The following TMEM132C variants were observed in gnomAD, a reference collection of about 807,000 sequenced individuals.
The protein encoded by TMEM132C is protein phosphatase 1, regulatory subunit 152.
TMEM132C carries 29 observed loss-of-function variants against 61.4 expected under a neutral mutation model. That is an observed-to-expected ratio of 0.47 (90% CI 0.35 to 0.64). The LOEUF is 0.64. TMEM132C is among the 30% of genes least tolerant of loss of function. The probability of loss-of-function intolerance (pLI) is 0.00; values close to 1 mark genes in which losing one functional copy is unlikely to be tolerated. For synonymous variants in TMEM132C, 656 were observed against 633.1 expected, an observed-to-expected ratio of 1.04 and a Z score of -0.54; for missense variants, 1,408 against 1,476.9, an observed-to-expected ratio of 0.95 and a Z score of 0.76.
chr12:128,390,362 C>T (rs1874723632), intron 1 of TMEM132C, among the ~76,000 whole-genome samples: 1 of 152,180 alleles, frequency 6.6e-6, no homozygotes, highest in African/African-American at 2.4e-5. Flanking sequence ...CTGCTTTTTC[C>T]AGCTTCTAGA....
In TMEM132C at chr12:128,285,265, G is replaced by A. The variant is rs548209464; in HGVS notation, c.85+17778G>A. Among the ~76,000 whole-genome samples, 355 of 152,208 alleles carry A rather than the reference G, an allele frequency of 2.3e-3. 2 individuals are homozygous for A. Among genetic ancestry groups the A allele is most frequent in the Non-Finnish European group, 7.9e-4 (54 of 68,016 alleles). On this transcript the variant is annotated intron_variant, in intron 1 of 8. Coordinates refer to ENST00000435159, the MANE Select transcript of TMEM132C (RefSeq NM_001136103.3). Reference sequence around the variant, plus strand: ...GTTTTCAACAAAAATGGTATTTGAGGTGATTGATATGCAATTACTCTGATT... The same window carrying A: ...GTTTTCAACAAAAATGGTATTTGAGATGATTGATATGCAATTACTCTGATT...
At chr12:128,342,376 G>A (rs1190517998) in intron 1 of TMEM132C, among the ~76,000 whole-genome samples, 1 of 152,206 alleles carries the variant, frequency 6.6e-6, no homozygotes, top group Non-Finnish European at 1.5e-5. Flanking sequence ...TTTTGTGCTA[G>A]ATGCATTTTG....
At chr12:128,322,621 C>A (rs1872371704) in intron 1 of TMEM132C, among the ~76,000 whole-genome samples, 1 of 152,202 alleles carries the variant, frequency 6.6e-6, no homozygotes, top group African/African-American at 2.4e-5. Context: ...CCTAAGAGCT[C>A]ACTTCAGAGA....
chr12:128,420,128 G>A (rs1414594868), intron 2 of TMEM132C, among the ~76,000 whole-genome samples: 3 of 152,144 alleles, frequency 2.0e-5, no homozygotes, highest in Admixed American at 1.3e-4. Context: ...CCTGGGAGGT[G>A]GAGGTTGCAG....
intron 3 of TMEM132C, among the ~76,000 whole-genome samples, chr12:128,562,738 C>A (rs143516023): frequency 6.6e-6 from 1 of 152,214 alleles, no homozygotes; most frequent in African/African-American, 2.4e-5. Context: ...CCCCTGTAAC[C>A]ATGGTGGGTG....
At chr12:128,400,599 G>T (rs202063186) in intron 1 of TMEM132C, among the ~76,000 whole-genome samples, 1 of 140,784 alleles carries the variant, frequency 7.1e-6, no homozygotes, top group African/African-American at 2.6e-5. Flanking sequence ...CCATTCTTTT[G>T]TTTTTTTTTT....
rs1355252914 is a variant in TMEM132C at position 128,705,264 on chromosome 12, G to A, written c.2296G>A (p.Gly766Ser). 6.4e-7 allele frequency: 1 copy of A among 1,551,658 alleles called. No individual in the cohort carries two copies. The highest frequency in any genetic ancestry group is 2.0e-5 in the Admixed American group (1 of 51,014). The change falls in exon 9 of 9, where the codon GGC becomes AGC. Residue 766 changes from glycine (G) to serine (S), a missense_variant. Transcript: ENST00000435159. ...TGTGGTGGCCGAAGGGGAAGGCCAGGGCCCACTGATCCGAGTGGACATGAC... is the reference window on the plus strand; with the variant it reads ...TGTGGTGGCCGAAGGGGAAGGCCAGAGCCCACTGATCCGAGTGGACATGAC... The part of the protein sequence containing the change: ...PVVVAEGEGQ[G>S]PLIRVDMTIA...
intron 5 of TMEM132C, among the ~76,000 whole-genome samples, chr12:128,688,766 AT>A (rs1414746079): frequency 6.6e-6 from 1 of 152,194 alleles, no homozygotes; most frequent in Non-Finnish European, 1.5e-5. Flanking sequence ...GGCAAAATTG[AT>A]TTTATGGTAA....
intron 4 of TMEM132C, among the ~76,000 whole-genome samples, chr12:128,650,734 A>G (rs1172568307): frequency 6.6e-6 from 1 of 151,886 alleles, no homozygotes; most frequent in Non-Finnish European, 1.5e-5. Flanking sequence ...CCCTGTCTCA[A>G]AAAAAAAGTC....
chr12:128,390,982 G>A (rs1179539900), intron 1 of TMEM132C, among the ~76,000 whole-genome samples: 4 of 152,196 alleles, frequency 2.6e-5, no homozygotes. Context: ...CTGTCCTCTT[G>A]GTGCATTTTA....
intron 4 of TMEM132C, among the ~76,000 whole-genome samples, chr12:128,641,864 G>A (rs986056617): frequency 2.6e-5 from 4 of 152,124 alleles, no homozygotes; most frequent in African/African-American, 7.2e-5. Context: ...GCACGATCTC[G>A]ACTCACTGCA....
intron 4 of TMEM132C, among the ~76,000 whole-genome samples, chr12:128,665,654 TG>T: frequency 1.1e-5 from 1 of 92,834 alleles, no homozygotes; most frequent in East Asian, 3.9e-4. Context: ...CCCAGGCACA[TG>T]TACCCATAAA....
intron 1 of TMEM132C, among the ~76,000 whole-genome samples, chr12:128,356,997 A>G (rs1873527025): frequency 6.6e-6 from 1 of 152,224 alleles, no homozygotes; most frequent in Non-Finnish European, 1.5e-5. Context: ...TCTCACACAC[A>G]TACACACACA....
At chr12:128,397,532 G>C (rs902567429) in intron 1 of TMEM132C, among the ~76,000 whole-genome samples, 3 of 152,164 alleles carry the variant, frequency 2.0e-5, no homozygotes, top group African/African-American at 7.2e-5. Flanking sequence ...ATAAAGCAGA[G>C]CAAAAGTGGG....
chr12:128,686,760 C>T (rs79979857), intron 5 of TMEM132C, among the ~76,000 whole-genome samples: 3,412 of 152,254 alleles, frequency 0.022, 78 homozygotes, highest in South Asian at 0.11. Context: ...CAAAAATCTC[C>T]GCCATCCTAG....
At chr12:128,619,784 G>A (rs1953942747) in intron 4 of TMEM132C, among the ~76,000 whole-genome samples, 1 of 152,156 alleles carries the variant, frequency 6.6e-6, no homozygotes, top group Non-Finnish European at 1.5e-5. Flanking sequence ...GGAGCATTTG[G>A]GACAACTAAA....
At position 128,577,948 on chromosome 12, in the gene TMEM132C, A is replaced by G. The variant is rs557846189; in HGVS notation, c.1121+33845A>G. Among the ~76,000 whole-genome samples the G allele has an allele frequency of 9.2e-5, 14 of 152,362 alleles. No homozygotes were observed. The East Asian group carries it at 2.7e-3, about 29-fold the overall frequency. On this transcript the variant is annotated intron_variant, in intron 3 of 8. Coordinates refer to ENST00000435159, the MANE Select transcript of TMEM132C (RefSeq NM_001136103.3). ...CTAAACACCATTCACCATGTTTGCC[A>G]TATCCGCAGGTCATTAGTACATACT...
intron 2 of TMEM132C, among the ~76,000 whole-genome samples, chr12:128,457,133 C>G (rs966347527): frequency 6.6e-6 from 1 of 152,078 alleles, no homozygotes; most frequent in African/African-American, 2.4e-5. Flanking sequence ...TACATGTTTT[C>G]ATATATTGTG....
chr12:128,619,744 G>A (rs763297630), intron 4 of TMEM132C, among the ~76,000 whole-genome samples: 93 of 152,296 alleles, frequency 6.1e-4, no homozygotes, highest in South Asian at 2.1e-4. Flanking sequence ...GGCCACTTTC[G>A]TACATAAAGC....
Sources: allele counts gnomAD v4.1 joint callset (sites outside exome capture counted in the v4.1 genomes callset), GRCh38; gene constraint gnomAD v4.1.1; transcripts MANE v1.5; gene names NCBI Gene and HGNC (gene_info 2026-07-23, HGNC 2026-07-21).